UTRN: variants seen among roughly 807,000 people sequenced by gnomAD.
UTRN encodes the protein dystrophin-related protein 1.
In UTRN, 283 loss-of-function variants were observed where a neutral mutation model predicts 463.9. The observed-to-expected ratio is 0.61, with a 90% confidence interval of 0.55 to 0.67. UTRN has a LOEUF of 0.67. Among genes scored for constraint, UTRN ranks in the 30% least tolerant of loss-of-function variants. UTRN has a pLI of 0.00. For synonymous variants in UTRN, 1,442 were observed against 1,431.5 expected, an observed-to-expected ratio of 1.01 and a Z score of -0.17; for missense variants, 3,922 against 4,084.3, an observed-to-expected ratio of 0.96 and a Z score of 1.08.
chr6:144,352,830 G>C (rs1321465111), intron 2 of UTRN, among the ~76,000 whole-genome samples: 1 of 152,096 alleles, frequency 6.6e-6, no homozygotes, highest in East Asian at 1.9e-4. Context: ...ATATTTGCCT[G>C]GTGTTTTATA....
At chr6:144,826,984 A>G (rs1780241336) in intron 66 of UTRN, among the ~76,000 whole-genome samples, 1 of 152,198 alleles carries the variant, frequency 6.6e-6, no homozygotes, top group Non-Finnish European at 1.5e-5. Context: ...AAAAACAAAA[A>G]TATGATTGCA....
intron 2 of UTRN, among the ~76,000 whole-genome samples, chr6:144,388,357 C>T (rs2114757301): frequency 6.6e-6 from 1 of 151,772 alleles, no homozygotes; most frequent in South Asian, 2.1e-4. Context: ...TTTGTTGTCC[C>T]ACTGGAGTAC....
At chr6:144,548,937 C>A in intron 47 of UTRN, 83 bp downstream of exon 47, 1 of 1,390,224 alleles carries the variant, frequency 7.2e-7, no homozygotes, top group Non-Finnish European at 9.8e-7. Context: ...TTTTGTTTAT[C>A]CTAAACTATG....
intron 66 of UTRN, among the ~76,000 whole-genome samples, chr6:144,824,470 A>G (rs1032172530): frequency 3.5e-5 from 4 of 114,040 alleles, no homozygotes; most frequent in African/African-American, 1.5e-4. Flanking sequence ...ATATGTATAT[A>G]TAGTATATAT....
chr6:144,525,242 A>G (rs1398245454), intron 41 of UTRN, among the ~76,000 whole-genome samples: 5 of 151,814 alleles, frequency 3.3e-5, no homozygotes, highest in Non-Finnish European at 7.4e-5. Context: ...TATCTTTTGG[A>G]TAGTGTCAGT....
intron 51 of UTRN, among the ~76,000 whole-genome samples, chr6:144,673,663 G>A (rs925216576): frequency 6.6e-6 from 1 of 152,012 alleles, no homozygotes; most frequent in East Asian, 1.9e-4. Context: ...TGAGATGTGA[G>A]GTACTATTCT....
At chr6:144,474,534 G>T in intron 24 of UTRN, 70 bp from the exon 25 acceptor site, 1 of 1,460,552 alleles carries the variant, frequency 6.8e-7, no homozygotes, top group Non-Finnish European at 9.2e-7. Context: ...AGGGAGATAA[G>T]CAGACAAACT....
Position 144,424,068 on chromosome 6 carries a change from T to G in UTRN, c.395T>G (p.Leu132Trp), listed in dbSNP as rs1472394192. The G allele has an allele frequency of 6.2e-7, 1 of 1,613,996 alleles. No individual in the cohort carries two copies. The stretch of plus-strand genomic sequence containing the variant: ...TTGGGGTTACTTTGGAGCATCATTT[T>G]GCACTGGCAGGTGGGGAAATTTCCA... ...LTLGLLWSII[L>W]HWQVKDVMKD... is the part of the protein sequence containing the mutation. The change falls in exon 6 of 75, where the codon TTG (leucine) becomes TGG (tryptophan). Residue 132 changes from leucine to tryptophan, a missense_variant. Leu to Trp is a moderately conservative substitution (Grantham distance 61). This residue lies in a region of UTRN where 264 missense variants were observed against 327.9 expected (regional missense o/e 0.81). Coordinates refer to ENST00000367545, the MANE Select transcript of UTRN (RefSeq NM_007124.3).
chr6:144,389,239 C>T (rs999159498), intron 2 of UTRN, among the ~76,000 whole-genome samples: 1 of 152,196 alleles, frequency 6.6e-6, no homozygotes, highest in Non-Finnish European at 1.5e-5. Context: ...ATCTGATTAG[C>T]CTCTCCGAAG....
At chr6:144,342,678 T>C (rs1777236060) in intron 2 of UTRN, among the ~76,000 whole-genome samples, 1 of 152,170 alleles carries the variant, frequency 6.6e-6, no homozygotes. Context: ...GGTAACTCTA[T>C]AGAGACTGGA....
At chr6:144,522,660 C>A (rs1796208140) in intron 40 of UTRN, among the ~76,000 whole-genome samples, 1 of 152,120 alleles carries the variant, frequency 6.6e-6, no homozygotes, top group South Asian at 2.1e-4. Flanking sequence ...TTTGATAGTG[C>A]ATTCCTCTCA....
chr6:144,386,283 G>A (rs968362621), intron 2 of UTRN, among the ~76,000 whole-genome samples: 29 of 152,036 alleles, frequency 1.9e-4, no homozygotes, highest in Non-Finnish European at 3.4e-4. Context: ...GCAACATGGC[G>A]AAACCTCGTG....
intron 35 of UTRN, among the ~76,000 whole-genome samples, chr6:144,512,727 GA>G (rs1343471946): frequency 1.3e-5 from 2 of 151,726 alleles, no homozygotes; most frequent in African/African-American, 2.4e-5. Flanking sequence ...TTTTTGTAGA[GA>G]GGGGGTTTCA....
intron 2 of UTRN, among the ~76,000 whole-genome samples, chr6:144,313,932 T>C (rs556824757): frequency 6.6e-6 from 1 of 152,350 alleles, no homozygotes; most frequent in East Asian, 1.9e-4. Context: ...TTCTGTTTCA[T>C]TAATATTCAT....
At chr6:144,577,010 C>G (rs751585302) in intron 50 of UTRN, 89 bp from the exon 51 acceptor site, 169 of 1,313,368 alleles carry the variant, frequency 1.3e-4, no homozygotes, top group Non-Finnish European at 1.7e-4. Flanking sequence ...TTGGGGGCTG[C>G]CTGTTAGTTT....
chr6:144,779,554 T>C (rs905483215), intron 60 of UTRN, among the ~76,000 whole-genome samples: 3 of 152,196 alleles, frequency 2.0e-5, no homozygotes, highest in South Asian at 2.1e-4. Flanking sequence ...TTCATCCTTG[T>C]TGACTTCATG....
chr6:144,773,912 T>C (rs1192515068), intron 59 of UTRN, among the ~76,000 whole-genome samples: 1 of 152,188 alleles, frequency 6.6e-6, no homozygotes, highest in African/African-American at 2.4e-5. Context: ...AGGGGAATTC[T>C]GGTTTCTATT....
At chr6:144,467,498 T>A (rs751589946) in intron 23 of UTRN, among the ~76,000 whole-genome samples, 3 of 152,214 alleles carry the variant, frequency 2.0e-5, no homozygotes, top group African/African-American at 4.8e-5. Context: ...AGTGGATTTA[T>A]ACAGTCTAAA....
At chr6:144,714,606 G>A (rs1487344004) in intron 53 of UTRN, among the ~76,000 whole-genome samples, 1 of 152,144 alleles carries the variant, frequency 6.6e-6, no homozygotes, top group East Asian at 1.9e-4. Context: ...GTTACACTGA[G>A]GTCTGCAATC....
Sources: gnomAD v4.1 joint callset for allele counts (sites outside exome capture counted in the v4.1 genomes callset) on GRCh38, gnomAD v4.1.1 for gene constraint, gnomAD v4.1.1 regional missense constraint, MANE v1.5 for transcripts, NCBI Gene and HGNC (gene_info 2026-07-23, HGNC 2026-07-21) for gene names.